Variants in SYT16 observed in about 807,000 individuals in gnomAD.
The protein encoded by SYT16 is synaptotagmin 16, also known as synaptotagmin-16.
Under a neutral mutation model 61.4 loss-of-function variants are expected in SYT16, and 42 were observed. That is an observed-to-expected ratio of 0.68 (90% confidence interval 0.53 to 0.89). The LOEUF is 0.89. Ranked by LOEUF, SYT16 falls within the 40% of genes least tolerant of loss-of-function variation. The probability of loss-of-function intolerance (pLI) is 0.00; values close to 1 mark genes in which losing one functional copy is unlikely to be tolerated. For synonymous variants in SYT16, 314 were observed against 302.3 expected (o/e 1.04, Z -0.40); for missense variants, 804 against 807.3 (o/e 1.00, Z 0.05).
chr14:62,072,161 A>T (rs2056321697), intron 4 of SYT16, among the ~76,000 whole-genome samples: 1 of 151,952 alleles, frequency 6.6e-6, no homozygotes, highest in African/African-American at 2.4e-5. Context: ...CAGTAACCTT[A>T]TTTTTGTGTA....
rs1410518726 is a variant in SYT16, at chr14:61,868,457, AATAT to A, written c.-325+55649_-325+55652del. Among the ~76,000 whole-genome samples the A allele has an allele frequency of 3.9e-5, 6 of 152,034 alleles. No homozygotes were observed. In the South Asian group the frequency reaches 6.2e-4, roughly 16 times the overall value. ...TGATTTTAAATATTTGTATTTTTATAATATAAGCACTACTTTTGCTGCATTGCAT... is the reference window on the plus strand; with the variant it reads ...TGATTTTAAATATTTGTATTTTTATAAAGCACTACTTTTGCTGCATTGCAT... On this transcript the variant is annotated intron_variant, in intron 1 of 7. Coordinates refer to ENST00000683842, the MANE Select transcript of SYT16 (RefSeq NM_001367656.1).
intron 1 of SYT16, among the ~76,000 whole-genome samples, chr14:61,862,133 A>T (rs1473535377): frequency 6.6e-6 from 1 of 152,232 alleles, no homozygotes; most frequent in Non-Finnish European, 1.5e-5. Flanking sequence ...TATAATTTGC[A>T]TGCAAAAATT....
intron 1 of SYT16, among the ~76,000 whole-genome samples, chr14:61,901,284 GGCTGCT>G (rs966399161): frequency 6.6e-6 from 1 of 152,110 alleles, no homozygotes; most frequent in Non-Finnish European, 1.5e-5. Context: ...GTGTACCTAT[GGCTGCT>G]GCTGCTGCTG....
At chr14:61,836,762 A>G (rs1374875850) in intron 1 of SYT16, among the ~76,000 whole-genome samples, 1 of 152,240 alleles carries the variant, frequency 6.6e-6, no homozygotes, top group Non-Finnish European at 1.5e-5. Context: ...CAAGCTTGTT[A>G]GCCATTCAGT....
intron 3 of SYT16, among the ~76,000 whole-genome samples, chr14:62,030,342 G>C (rs1169317350): frequency 6.6e-6 from 1 of 152,164 alleles, no homozygotes; most frequent in Admixed American, 6.5e-5. Context: ...GTTTTAAACA[G>C]AACTTACTCA....
In SYT16 at chr14:62,011,872, T is replaced by TACACACACACACACACACAC. The variant is rs1233473446; in HGVS notation, c.523+15331_523+15332insCACACACACACACACACACA. ...CTACCACAAGTCAGGGAACACTATA[T>TACACACACACACACACACAC]ATACACACACACACACACACACACA... On this transcript the variant is annotated intron_variant, in intron 3 of 7. Coordinates refer to ENST00000683842, the MANE Select transcript of SYT16 (RefSeq NM_001367656.1). Among the ~76,000 whole-genome samples the TACACACACACACACACACAC allele has an allele frequency of 1.2e-4, 16 of 135,952 alleles. 1 individual carries two copies. Among genetic ancestry groups the TACACACACACACACACACAC allele is most frequent in the African/African-American group, 5.0e-4 (16 of 32,132 alleles). 89.2% of individuals were successfully genotyped at this position (135,952 alleles called of 152,430 possible).
At chr14:62,011,539 A>G (rs1339661138) in intron 3 of SYT16, among the ~76,000 whole-genome samples, 21 of 152,142 alleles carry the variant, frequency 1.4e-4, no homozygotes, top group Non-Finnish European at 2.9e-4. Context: ...GGCCAGGCCT[A>G]AGTCACCTGC....
chr14:62,061,256 A>G (rs978488705), intron 3 of SYT16, among the ~76,000 whole-genome samples: 1 of 152,160 alleles, frequency 6.6e-6, no homozygotes, highest in Non-Finnish European at 1.5e-5. Context: ...AGGTATAGCC[A>G]AAGAACTTAA....
intron 1 of SYT16, among the ~76,000 whole-genome samples, chr14:61,901,898 A>G (rs1247453836): frequency 6.6e-6 from 1 of 151,848 alleles, no homozygotes; most frequent in African/African-American, 2.4e-5. Flanking sequence ...AGTAGCTGGG[A>G]TTACAGGCAC....
rs191843028 is a variant in SYT16, at chr14:61,967,419, C to T, written c.-324-2713C>T. On this transcript the variant is annotated intron_variant, in intron 1 of 7. Coordinates refer to ENST00000683842, the MANE Select transcript of SYT16 (RefSeq NM_001367656.1). ...GGTGACTTAAGACAACAGAAATCTA[C>T]TCTCACAGTTTTGGAGGCCAGCAGT... Among the ~76,000 whole-genome samples, 3 of 152,286 alleles carry T rather than the reference C, an allele frequency of 2.0e-5. No homozygotes were observed. The East Asian group carries it at 5.8e-4, about 29-fold the overall frequency.
At chr14:61,995,201 G>C (rs1396940804) in intron 2 of SYT16, among the ~76,000 whole-genome samples, 1 of 152,096 alleles carries the variant, frequency 6.6e-6, no homozygotes, top group South Asian at 2.1e-4. Context: ...AATCTTGTGG[G>C]ATGAAGTGTG....
intron 1 of SYT16, among the ~76,000 whole-genome samples, chr14:61,891,242 G>GCACACACACACACACACA (rs34375502): frequency 6.8e-6 from 1 of 147,802 alleles, no homozygotes; most frequent in Non-Finnish European, 1.5e-5. Flanking sequence ...ACACACACGC[G>GCACACACACACACACACA]CACACACACA....
intron 1 of SYT16, among the ~76,000 whole-genome samples, chr14:61,839,484 T>C (rs574996076): frequency 1.4e-4 from 22 of 152,204 alleles, no homozygotes; most frequent in Non-Finnish European, 2.5e-4. Flanking sequence ...GGAGGAGTTA[T>C]ATATAAGTCA....
At chr14:61,880,693 T>C (rs1188888376) in intron 1 of SYT16, among the ~76,000 whole-genome samples, 2 of 152,242 alleles carry the variant, frequency 1.3e-5, no homozygotes, top group Non-Finnish European at 2.9e-5. Flanking sequence ...GTTAATTTTT[T>C]ACTAGATATT....
chr14:62,076,443 T>TA (rs11336905), intron 5 of SYT16, among the ~76,000 whole-genome samples: 119 of 144,032 alleles, frequency 8.3e-4, no homozygotes, highest in South Asian at 4.4e-3. Context: ...ATGCTCAAGG[T>TA]AAAAAAAAAA....
At chr14:62,091,094 A>G (rs2057056615) in intron 7 of SYT16, among the ~76,000 whole-genome samples, 1 of 152,208 alleles carries the variant, frequency 6.6e-6, no homozygotes, top group African/African-American at 2.4e-5. Flanking sequence ...ATCACATGGT[A>G]TGTCAATTAT....
Position 62,100,378 on chromosome 14 carries a change from T to C in SYT16, c.1625-16T>C, listed in dbSNP as rs1186769423. On this transcript the variant is annotated splice_polypyrimidine_tract_variant and intron_variant, in intron 7 of 7. Transcript: ENST00000683842. ...TTTCTTATCATCCCCACCCCACCCTTTTTTTTTTGTCTTAGATACATATGG... is the reference window on the plus strand; with the variant it reads ...TTTCTTATCATCCCCACCCCACCCTCTTTTTTTTGTCTTAGATACATATGG... 2 of 1,533,782 alleles carry C rather than the reference T, an allele frequency of 1.3e-6. No homozygotes were observed. The highest frequency in any genetic ancestry group is 1.8e-6 in the Non-Finnish European group (2 of 1,136,544).
At chr14:62,061,265 A>G (rs2055813599) in intron 3 of SYT16, among the ~76,000 whole-genome samples, 1 of 152,134 alleles carries the variant, frequency 6.6e-6, no homozygotes, top group East Asian at 1.9e-4. Flanking sequence ...CAAAGAACTT[A>G]ATAGACAAAT....
intron 1 of SYT16, among the ~76,000 whole-genome samples, chr14:61,824,390 T>A (rs567316119): frequency 2.0e-5 from 3 of 152,286 alleles, no homozygotes; most frequent in Non-Finnish European, 2.9e-5. Context: ...TCTCACTTTG[T>A]CTCCCAGGCT....
Sources: gnomAD v4.1 joint callset for allele counts (sites outside exome capture counted in the v4.1 genomes callset) on GRCh38, gnomAD v4.1.1 for gene constraint, MANE v1.5 for transcripts, NCBI Gene and HGNC (gene_info 2026-07-23, HGNC 2026-07-21) for gene names.